Variants in SLC25A33 observed in about 807,000 individuals in gnomAD.
SLC25A33 encodes the protein bone marrow stromal cell mitochondrial carrier protein.
A neutral mutation model predicts 35.5 loss-of-function variants in SLC25A33; 15 were observed. The observed-to-expected ratio is 0.42, with a 90% CI of 0.28 to 0.65. SLC25A33 has a LOEUF of 0.65. SLC25A33 is among the 30% of genes least tolerant of loss of function. The pLI is 0.20. For missense variants in SLC25A33, 257 were observed against 398.5 expected, an observed-to-expected ratio of 0.64 and a Z score of 3.02; for synonymous variants, 136 against 148.7, an observed-to-expected ratio of 0.91 and a Z score of 0.62.
intron 2 of SLC25A33, among the ~76,000 whole-genome samples, chr1:9,562,549 T>A (rs1176951921): frequency 6.6e-6 from 1 of 151,952 alleles, no homozygotes; most frequent in Non-Finnish European, 1.5e-5. Flanking sequence ...CATAATATTT[T>A]TATGTAATTG....
intron 1 of SLC25A33, among the ~76,000 whole-genome samples, chr1:9,547,701 T>A (rs1643201443): frequency 6.6e-6 from 1 of 151,568 alleles, no homozygotes; most frequent in African/African-American, 2.4e-5. Flanking sequence ...GTAACCCCCC[T>A]CCCCCATTTC....
At chr1:9,567,034 A>C (rs897732939) in intron 2 of SLC25A33, among the ~76,000 whole-genome samples, 1 of 149,312 alleles carries the variant, frequency 6.7e-6, no homozygotes, top group African/African-American at 2.5e-5. Flanking sequence ...TCTCAAAAAG[A>C]AAAAAAAAAG....
chr1:9,566,462 T>C (rs928966170), intron 2 of SLC25A33, among the ~76,000 whole-genome samples: 1 of 152,208 alleles, frequency 6.6e-6, no homozygotes, highest in African/African-American at 2.4e-5. Flanking sequence ...CTTATTATGA[T>C]GAGGAAATTA....
At chr1:9,548,025 C>T (rs1031412289) in intron 1 of SLC25A33, among the ~76,000 whole-genome samples, 6 of 151,872 alleles carry the variant, frequency 4.0e-5, no homozygotes, top group African/African-American at 1.5e-4. Context: ...CAGGTGCGCA[C>T]CACCACGCCT....
At chr1:9,562,775 C>A (rs1197030827) in intron 2 of SLC25A33, among the ~76,000 whole-genome samples, 1 of 150,166 alleles carries the variant, frequency 6.7e-6, no homozygotes, top group Non-Finnish European at 1.5e-5. Context: ...ATCACTTGAA[C>A]CTGGGAGGCA....
chr1:9,561,870 A>G (rs1023836577), intron 2 of SLC25A33, among the ~76,000 whole-genome samples: 1 of 152,146 alleles, frequency 6.6e-6, no homozygotes, highest in Non-Finnish European at 1.5e-5. Flanking sequence ...ATTATAAAGT[A>G]TAGGCCACTT....
chr1:9,568,256 A>G (rs1479517208), intron 3 of SLC25A33, among the ~76,000 whole-genome samples: 1 of 151,734 alleles, frequency 6.6e-6, no homozygotes, highest in African/African-American at 2.4e-5. Context: ...AGCCTGGCCA[A>G]CTTGGCGAAA....
At position 9,553,638 on chromosome 1, in the gene SLC25A33, A is replaced by G. The variant is rs746490937; in HGVS notation, c.69A>G (p.Thr23=). 7.4e-6 allele frequency: 12 copies of G among 1,613,290 alleles called. No individual in the cohort carries two copies. The highest frequency in any genetic ancestry group is 1.0e-5 in the Non-Finnish European group (12 of 1,180,018). Residue 23 remains threonine, a synonymous_variant, in exon 2 of 7, where the codon ACA becomes ACG. Coordinates refer to ENST00000302692, the MANE Select transcript of SLC25A33 (RefSeq NM_032315.3). ...LHLFAGGCGG[T]VGAIFTCPLE... Reference sequence around the variant, plus strand: ...GTTTCCCTTACAGGTGTGGAGGCACAGTTGGTGCTATTTTCACTTGTCCAC... The same window carrying G: ...GTTTCCCTTACAGGTGTGGAGGCACGGTTGGTGCTATTTTCACTTGTCCAC...
chr1:9,561,772 G>A (rs1282710446), intron 2 of SLC25A33, among the ~76,000 whole-genome samples: 2 of 151,856 alleles, frequency 1.3e-5, no homozygotes, highest in African/African-American at 2.4e-5. Flanking sequence ...AGCTGAACAG[G>A]GTACATTAAT....
At chr1:9,575,879 T>C (rs922368048) in intron 5 of SLC25A33, among the ~76,000 whole-genome samples, 3 of 152,200 alleles carry the variant, frequency 2.0e-5, no homozygotes, top group Non-Finnish European at 2.9e-5. Context: ...TCCTGTAGTT[T>C]TCCAAAAATG....
At chr1:9,567,148 A>G in intron 2 of SLC25A33, 136 bp from the exon 3 acceptor site, 3 of 734,500 alleles carry the variant, frequency 4.1e-6, no homozygotes, top group African/African-American at 3.5e-5. Context: ...ATTGTAACCA[A>G]ATCAGATAAG....
rs191102483 is a variant in SLC25A33, at chr1:9,581,676, C to G, written c.764-623C>G. 7.7e-4 allele frequency among the ~76,000 whole-genome samples: 116 copies of G among 151,232 alleles called. 1 individual carries two copies. In the East Asian group the frequency reaches 0.018, roughly 23 times the overall value. On this transcript the variant is annotated intron_variant, in intron 6 of 6. Transcript: ENST00000302692. ...CCCAGAAGGCAGAGGTTGCAGTGAG[C>G]CAAGATCGTACCGACTGCACTCCAG...
At chr1:9,577,159 T>G (rs1643671549) in intron 5 of SLC25A33, among the ~76,000 whole-genome samples, 1 of 151,948 alleles carries the variant, frequency 6.6e-6, no homozygotes. Context: ...AAATCTTGAG[T>G]CAAGAAAGCA....
chr1:9,564,916 C>T (rs757167525), intron 2 of SLC25A33, among the ~76,000 whole-genome samples: 1 of 149,786 alleles, frequency 6.7e-6, no homozygotes, highest in Non-Finnish European at 1.5e-5. Flanking sequence ...GGAGTAAGAC[C>T]CTGTCTCAAA....
rs1474896071 is a variant in SLC25A33 at position 9,553,752 on chromosome 1, A to G, written c.183A>G (p.Gly61=). 2 of 1,614,116 alleles carry G rather than the reference A, an allele frequency of 1.2e-6. No individual in the cohort carries two copies. Among genetic ancestry groups the G allele is most frequent in the Non-Finnish European group, 1.7e-6 (2 of 1,180,020 alleles). ...YPQVHLGTIS[G]AGMVRPTSVT... ...AGGTTCATCTGGGGACCATTAGTGG[A>G]GCTGGAATGGTGAGACCAACATCCG... The change falls in exon 2 of 7, where the codon GGA becomes GGG. Residue 61 remains glycine, a synonymous_variant. Transcript: ENST00000302692.
chr1:9,544,665 A>G (rs1643141461), intron 1 of SLC25A33, among the ~76,000 whole-genome samples: 1 of 152,176 alleles, frequency 6.6e-6, no homozygotes, highest in Non-Finnish European at 1.5e-5. Flanking sequence ...AGCAGGTGAA[A>G]TGGCGGTTAC....
rs138525926 is a variant in SLC25A33 at position 9,582,491 on chromosome 1, G to A, written c.956G>A (p.Arg319His). 19 of 1,611,656 alleles carry A rather than the reference G, an allele frequency of 1.2e-5. No individual in the cohort carries two copies. The highest frequency in any genetic ancestry group is 2.7e-5 in the African/African-American group (2 of 74,866). Residue 319 changes from arginine to histidine, a missense_variant, in exon 7 of 7, where the codon CGT (arginine) becomes CAT (histidine). Coordinates refer to ENST00000302692, the MANE Select transcript of SLC25A33 (RefSeq NM_032315.3). This position sits in a 1 kb window ranked among gnomAD's most constrained non-coding sequence, Gnocchi z 4.0. ...YELIVYLLED[R>H]TQ ...TTAATTGTGTACCTGTTAGAAGACCGTACTCAGTAACAGGCCGGAAAATTG... is the reference window on the plus strand; with the variant it reads ...TTAATTGTGTACCTGTTAGAAGACCATACTCAGTAACAGGCCGGAAAATTG...
chr1:9,562,919 C>CT (rs370570053), intron 2 of SLC25A33, among the ~76,000 whole-genome samples: 3,138 of 126,718 alleles, frequency 0.025, 122 homozygotes, highest in African/African-American at 0.073. Flanking sequence ...AAAATAATAG[C>CT]TTTTTTTTTT....
At chr1:9,567,166 C>A in intron 2 of SLC25A33, 118 bp from the exon 3 acceptor site, 2 of 822,766 alleles carry the variant, frequency 2.4e-6, no homozygotes, top group Non-Finnish European at 4.0e-6. Context: ...AAGAGTCGAG[C>A]TTGACATCTC....
Sources: allele counts gnomAD v4.1 joint callset (sites outside exome capture counted in the v4.1 genomes callset), GRCh38; gene constraint gnomAD v4.1.1; non-coding constraint Gnocchi (gnomAD v3.1); transcripts MANE v1.5; gene names NCBI Gene and HGNC (gene_info 2026-07-23, HGNC 2026-07-21).